Variants in CNTNAP2 observed in about 807,000 individuals in gnomAD.
CNTNAP2 encodes the protein contactin-associated protein-like 2.
Under a neutral mutation model 155.2 loss-of-function variants are expected in CNTNAP2, and 98 were observed. That is an observed-to-expected ratio of 0.63 (90% confidence interval 0.54 to 0.75). The LOEUF (loss-of-function observed/expected upper bound fraction) is 0.75, where lower values mean the gene tolerates loss of function less well. Ranked by LOEUF, CNTNAP2 falls within the 30% of genes least tolerant of loss-of-function variation. CNTNAP2 has a pLI of 0.00. For synonymous variants in CNTNAP2, 651 were observed against 631.2 expected (o/e 1.03, Z -0.47); for missense variants, 1,727 against 1,688.1 (o/e 1.02, Z -0.40).
chr7:147,832,275 T>A (rs1247933838), intron 13 of CNTNAP2, among the ~76,000 whole-genome samples: 1 of 143,860 alleles, frequency 7.0e-6, no homozygotes, highest in Admixed American at 7.1e-5. Flanking sequence ...ATATTAACTA[T>A]GTAATTTAAT....
At chr7:146,131,844 C>T (rs1185960676) in intron 1 of CNTNAP2, among the ~76,000 whole-genome samples, 1 of 152,072 alleles carries the variant, frequency 6.6e-6, no homozygotes, top group Non-Finnish European at 1.5e-5. Context: ...CGCGGTTTCC[C>T]CCATGCTGTT....
At chr7:146,486,866 T>G (rs1040588737) in intron 1 of CNTNAP2, among the ~76,000 whole-genome samples, 11 of 152,176 alleles carry the variant, frequency 7.2e-5, no homozygotes, top group African/African-American at 2.4e-4. Flanking sequence ...ATTACTCTTC[T>G]ATGTATTCCC....
chr7:147,258,399 A>C (rs928309205), intron 8 of CNTNAP2, among the ~76,000 whole-genome samples: 3 of 152,184 alleles, frequency 2.0e-5, no homozygotes, highest in Non-Finnish European at 4.4e-5. Context: ...ACTATATAAC[A>C]ATAAATATAT....
intron 1 of CNTNAP2, among the ~76,000 whole-genome samples, chr7:146,728,271 T>C (rs901807422): frequency 5.9e-5 from 9 of 152,106 alleles, no homozygotes; most frequent in African/African-American, 2.2e-4. Flanking sequence ...AAGAGTGGTA[T>C]GGTCTGACCA....
Position 147,499,713 on chromosome 7 carries a change from A to C in CNTNAP2, c.1777+13672A>C, listed in dbSNP as rs143798103. ...TAACCAAAGAAGGAAGGCTTTAAGCAGGAGGGAGAAAGAATATGGAGACGT... is the reference window on the plus strand; with the variant it reads ...TAACCAAAGAAGGAAGGCTTTAAGCCGGAGGGAGAAAGAATATGGAGACGT... On this transcript the variant is annotated intron_variant, in intron 11 of 23. Coordinates refer to ENST00000361727, the MANE Select transcript of CNTNAP2 (RefSeq NM_014141.6). Among the ~76,000 whole-genome samples, 158 of 152,292 alleles carry C rather than the reference A, an allele frequency of 1.0e-3. 2 individuals are homozygous for C. Among genetic ancestry groups the C allele is most frequent in the African/African-American group, 3.7e-3 (153 of 41,568 alleles).
intron 10 of CNTNAP2, among the ~76,000 whole-genome samples, chr7:147,449,555 T>G (rs1361149705): frequency 6.6e-6 from 1 of 152,146 alleles, no homozygotes; most frequent in Non-Finnish European, 1.5e-5. Flanking sequence ...CTTCAAGGAC[T>G]GGAGAAATCA....
At chr7:147,801,495 G>A (rs562272101) in intron 13 of CNTNAP2, among the ~76,000 whole-genome samples, 5 of 151,716 alleles carry the variant, frequency 3.3e-5, no homozygotes, top group South Asian at 2.1e-4. Flanking sequence ...TGTGTCCCTG[G>A]GTACTTGAGA....
intron 3 of CNTNAP2, among the ~76,000 whole-genome samples, chr7:146,972,937 A>T (rs1156725306): frequency 1.3e-5 from 2 of 152,192 alleles, no homozygotes; most frequent in African/African-American, 4.8e-5. Context: ...GCTGTCTAAT[A>T]CCATAGCAAC....
intron 2 of CNTNAP2, among the ~76,000 whole-genome samples, chr7:146,809,950 T>C (rs540946815): frequency 3.0e-4 from 46 of 152,248 alleles, no homozygotes; most frequent in Admixed American, 5.9e-4. Context: ...GCTTTTCCCC[T>C]AAGTTGTTTC....
At chr7:146,443,667 A>G (rs541088731) in intron 1 of CNTNAP2, among the ~76,000 whole-genome samples, 17 of 152,390 alleles carry the variant, frequency 1.1e-4, no homozygotes, top group Non-Finnish European at 2.1e-4. Context: ...CTGAGTAAGT[A>G]GCAGAGCTAT....
intron 3 of CNTNAP2, among the ~76,000 whole-genome samples, chr7:146,878,640 T>C (rs1795477698): frequency 6.6e-6 from 1 of 152,154 alleles, no homozygotes; most frequent in Non-Finnish European, 1.5e-5. Context: ...AGGAGGCCCT[T>C]CATAAATTGA....
rs117516091 is a variant in CNTNAP2 at position 148,267,206 on chromosome 7, G to A, written c.3475+80G>A. ...GTGAGTTTGGATTTTAAAACTATCAGGTAAATTTCTCTTACTGGGGCCAGT... is the reference window on the plus strand; with the variant it reads ...GTGAGTTTGGATTTTAAAACTATCAAGTAAATTTCTCTTACTGGGGCCAGT... On this transcript the variant is annotated intron_variant, in intron 21 of 23. Coordinates refer to ENST00000361727, the MANE Select transcript of CNTNAP2 (RefSeq NM_014141.6). 1,304 of 1,269,130 alleles carry A rather than the reference G, an allele frequency of 1.0e-3. 4 individuals carry two copies. Among genetic ancestry groups the A allele is most frequent in the Middle Eastern group, 7.7e-3 (41 of 5,328 alleles). 78.6% of individuals were successfully genotyped at this position (1,269,130 alleles called of 1,614,324 possible).
intron 1 of CNTNAP2, among the ~76,000 whole-genome samples, chr7:146,693,200 T>C (rs183605636): frequency 6.6e-6 from 1 of 152,256 alleles, no homozygotes. Context: ...TAATCTTCCA[T>C]TAAGTTTAAT....
chr7:147,943,491 G>A (rs1800762076), intron 14 of CNTNAP2, among the ~76,000 whole-genome samples: 1 of 151,940 alleles, frequency 6.6e-6, no homozygotes, highest in Admixed American at 6.6e-5. Context: ...ATCTGGGCCG[G>A]GCGAAGTCGC....
At chr7:146,695,860 G>C (rs1358953659) in intron 1 of CNTNAP2, among the ~76,000 whole-genome samples, 2 of 152,132 alleles carry the variant, frequency 1.3e-5, no homozygotes, top group African/African-American at 4.8e-5. Flanking sequence ...ATCAGGTTTT[G>C]AATTTGAACC....
intron 2 of CNTNAP2, among the ~76,000 whole-genome samples, chr7:146,838,400 C>A (rs1803657166): frequency 6.6e-6 from 1 of 152,276 alleles, no homozygotes; most frequent in East Asian, 1.9e-4. Flanking sequence ...TCACTGCAAC[C>A]TCTGCCTCCC....
At chr7:147,198,973 T>A (rs1434402486) in intron 8 of CNTNAP2, among the ~76,000 whole-genome samples, 1 of 148,260 alleles carries the variant, frequency 6.7e-6, no homozygotes, top group African/African-American at 2.5e-5. Flanking sequence ...TTTTTTTTTT[T>A]TTTTTTGAGA....
intron 1 of CNTNAP2, among the ~76,000 whole-genome samples, chr7:146,143,900 C>T (rs1797917976): frequency 6.6e-6 from 1 of 151,970 alleles, no homozygotes; most frequent in Admixed American, 6.6e-5. Context: ...GTAGCTGGGA[C>T]TACAGGCATG....
intron 13 of CNTNAP2, among the ~76,000 whole-genome samples, chr7:147,812,788 G>T (rs1237538339): frequency 1.3e-5 from 2 of 152,098 alleles, no homozygotes; most frequent in African/African-American, 2.4e-5. Context: ...GCTGGCTATG[G>T]GTAATGGAAG....
Sources: gnomAD v4.1 joint callset for allele counts (sites outside exome capture counted in the v4.1 genomes callset) on GRCh38, gnomAD v4.1.1 for gene constraint, MANE v1.5 for transcripts, NCBI Gene and HGNC (gene_info 2026-07-23, HGNC 2026-07-21) for gene names.